The following NME7 variants were observed in gnomAD, a reference collection of about 807,000 sequenced individuals.
NME7 encodes the protein nucleoside diphosphate kinase 7.
A neutral mutation model predicts 49.1 loss-of-function variants in NME7; 41 were observed. The ratio of observed to expected loss-of-function variants is 0.83; its 90% CI spans 0.65 to 1.08. The LOEUF (loss-of-function observed/expected upper bound fraction) is 1.08. NME7 is among the 50% of genes least tolerant of loss of function. NME7 has a pLI of 0.00. For missense variants in NME7, 423 were observed against 463.4 expected (o/e 0.91, Z 0.80); for synonymous variants, 139 against 150.6 (o/e 0.92, Z 0.56).
chr1:169,192,525 G>C (rs575476223), intron 10 of NME7, among the ~76,000 whole-genome samples: 2 of 151,824 alleles, frequency 1.3e-5, no homozygotes, highest in African/African-American at 4.9e-5. Flanking sequence ...TCAGGGACTT[G>C]AGCATCTCAG....
intron 10 of NME7, among the ~76,000 whole-genome samples, chr1:169,226,889 T>C (rs981710442): frequency 9.2e-5 from 14 of 152,112 alleles, no homozygotes; most frequent in African/African-American, 2.4e-5. Flanking sequence ...GAGGAACTTA[T>C]AGACAACTAA....
rs568811139 is a variant in NME7 at position 169,257,470 on chromosome 1, T to G, written c.755-19783A>C. On this transcript the variant is annotated intron_variant, in intron 7 of 11. Coordinates refer to ENST00000367811, the MANE Select transcript of NME7 (RefSeq NM_013330.5). ...CTGACCTGCGCCCACTGTCTGGCAC[T>G]CCCTAGTGAGATGAACCCAGTACCT... Among the ~76,000 whole-genome samples, 9 of 132,728 alleles carry G rather than the reference T, an allele frequency of 6.8e-5. 1 individual carries two copies. In the East Asian group the frequency reaches 1.9e-3, roughly 28 times the overall value. 87.1% of individuals were successfully genotyped at this position (132,728 alleles called of 152,430 possible).
chr1:169,167,779 G>A (rs1179718699), intron 11 of NME7, among the ~76,000 whole-genome samples: 1 of 152,158 alleles, frequency 6.6e-6, no homozygotes, highest in Non-Finnish European at 1.5e-5. Flanking sequence ...CCAGCCTATT[G>A]GAGTTGCTAT....
At chr1:169,182,611 TCTG>T (rs1659961399) in intron 10 of NME7, among the ~76,000 whole-genome samples, 1 of 152,220 alleles carries the variant, frequency 6.6e-6, no homozygotes, top group Non-Finnish European at 1.5e-5. Flanking sequence ...GTTTTAGTGG[TCTG>T]CTAACAGGCT....
intron 10 of NME7, among the ~76,000 whole-genome samples, chr1:169,192,287 G>C (rs919068544): frequency 6.6e-6 from 1 of 152,098 alleles, no homozygotes; most frequent in African/African-American, 2.4e-5. Context: ...CTGGCCCTCT[G>C]TATCCGCAGA....
intron 1 of NME7, among the ~76,000 whole-genome samples, chr1:169,333,977 T>C (rs760690668): frequency 2.0e-5 from 3 of 152,242 alleles, no homozygotes; most frequent in Non-Finnish European, 4.4e-5. Context: ...CATTGCATTT[T>C]TGTAATGCTG....
chr1:169,160,621 A>T (rs1034455247), intron 11 of NME7, among the ~76,000 whole-genome samples: 5 of 152,210 alleles, frequency 3.3e-5, no homozygotes, highest in Admixed American at 3.3e-4. Flanking sequence ...AATAAAAATG[A>T]TATACATTAA....
At chr1:169,215,199 G>A (rs533132396) in intron 10 of NME7, among the ~76,000 whole-genome samples, 2 of 152,250 alleles carry the variant, frequency 1.3e-5, no homozygotes, top group Admixed American at 1.3e-4. Context: ...AAGTCAAGCT[G>A]CCTCCTTCTG....
At chr1:169,193,136 C>A (rs369528616) in intron 10 of NME7, among the ~76,000 whole-genome samples, 24 of 152,102 alleles carry the variant, frequency 1.6e-4, no homozygotes, top group African/African-American at 5.1e-4. Context: ...TACAGTGAGA[C>A]CCCATCTCCA....
chr1:169,204,587 C>T (rs770495732), intron 10 of NME7, among the ~76,000 whole-genome samples: 2 of 152,098 alleles, frequency 1.3e-5, no homozygotes, highest in Non-Finnish European at 2.9e-5. Flanking sequence ...ACAGGGTTCA[C>T]CTTCTTTCAG....
rs558499572 is a variant in NME7, at chr1:169,366,780, G to A, written c.3+928C>T. 2.0e-5 allele frequency among the ~76,000 whole-genome samples: 3 copies of A among 152,306 alleles called. No homozygotes were observed. The South Asian group carries it at 6.2e-4, about 32-fold the overall frequency. ...GAGGGCAAAAGACAGGGTTTGTAAAGGGAAGGTTTGAAAATGTCTTCACAG... is the reference window on the plus strand; with the variant it reads ...GAGGGCAAAAGACAGGGTTTGTAAAAGGAAGGTTTGAAAATGTCTTCACAG... On this transcript the variant is annotated intron_variant, in intron 1 of 11. Transcript: ENST00000367811.
At chr1:169,274,223 T>C (rs565819537) in intron 7 of NME7, among the ~76,000 whole-genome samples, 1 of 133,996 alleles carries the variant, frequency 7.5e-6, no homozygotes, top group Admixed American at 7.3e-5. Flanking sequence ...CCAGTGATGA[T>C]GAGCATTTTT....
chr1:169,135,060 C>T (rs1049997158), intron 11 of NME7, among the ~76,000 whole-genome samples: 1 of 136,318 alleles, frequency 7.3e-6, no homozygotes, highest in Non-Finnish European at 1.5e-5. Flanking sequence ...CATGGTGGTA[C>T]ACGCCTGTGA....
chr1:169,205,613 C>T (rs944291516), intron 10 of NME7, among the ~76,000 whole-genome samples: 2 of 152,148 alleles, frequency 1.3e-5, no homozygotes, highest in African/African-American at 4.8e-5. Context: ...CTCAGGCGGC[C>T]TGGCTCTAGA....
At chr1:169,328,118 C>A (rs1160930170) in intron 1 of NME7, among the ~76,000 whole-genome samples, 1 of 152,056 alleles carries the variant, frequency 6.6e-6, no homozygotes, top group Non-Finnish European at 1.5e-5. Context: ...CTATCATTTG[C>A]TGGCAGCCTA....
At chr1:169,135,939 T>C (rs1174609788) in intron 11 of NME7, among the ~76,000 whole-genome samples, 2 of 152,134 alleles carry the variant, frequency 1.3e-5, no homozygotes, top group Non-Finnish European at 2.9e-5. Flanking sequence ...AAGCATACTA[T>C]CTGTAGCTAG....
intron 10 of NME7, among the ~76,000 whole-genome samples, chr1:169,181,086 T>C (rs1488789978): frequency 6.6e-6 from 1 of 152,090 alleles, no homozygotes; most frequent in Admixed American, 6.6e-5. Flanking sequence ...GGGCAGTCAA[T>C]CTAACCATAT....
chr1:169,286,956 A>AAAAAAAAAAAAAAAAAAAAAAAC (rs1650298237), intron 7 of NME7: 1 of 174,740 alleles, frequency 5.7e-6, no homozygotes. Context: ...TCTGTCTCAA[A>AAAAAAAAAAAAAAAAAAAAAAAC]AAAAAAAAAA....
rs1174259337 is a variant in NME7 at position 169,268,936 on chromosome 1, C to T, written c.754+18367G>A. Among the ~76,000 whole-genome samples, 2 of 133,008 alleles carry T rather than the reference C, an allele frequency of 1.5e-5. 1 individual carries two copies. The highest frequency in any genetic ancestry group is 3.5e-5 in the Non-Finnish European group (2 of 56,630). 87.3% of individuals were successfully genotyped at this position (133,008 alleles called of 152,430 possible). A position where few individuals can be genotyped will look rare whatever the true frequency, so the allele number is the denominator to read the frequency against. ...CAAAACTGCACATGTACCCCTGAACCTAAAATAGAAGTTAAAATATTTTTA... is the reference window on the plus strand; with the variant it reads ...CAAAACTGCACATGTACCCCTGAACTTAAAATAGAAGTTAAAATATTTTTA... On this transcript the variant is annotated intron_variant, in intron 7 of 11. Transcript: ENST00000367811.
Sources: gnomAD v4.1 joint callset for allele counts (sites outside exome capture counted in the v4.1 genomes callset) on GRCh38, gnomAD v4.1.1 for gene constraint, MANE v1.5 for transcripts, NCBI Gene and HGNC (gene_info 2026-07-23, HGNC 2026-07-21) for gene names.